EML3: variants seen among roughly 807,000 people sequenced by gnomAD.
EML3 encodes the protein echinoderm microtubule-associated protein-like 3.
Under a neutral mutation model 106.7 loss-of-function variants are expected in EML3, and 53 were observed. The ratio of observed to expected loss-of-function variants is 0.50; its 90% confidence interval spans 0.40 to 0.62. The LOEUF (loss-of-function observed/expected upper bound fraction) is 0.62, where lower values mean the gene tolerates loss of function less well. EML3 is among the 20% of genes least tolerant of loss of function. EML3 has a pLI of 0.00. For missense variants in EML3, 994 were observed against 1,209.1 expected (o/e 0.82, Z 2.64); for synonymous variants, 499 against 489.6 (o/e 1.02, Z -0.25).
Position 62,605,737 on chromosome 11 carries a change from G to A in EML3, c.1819C>T (p.Pro607Ser), listed in dbSNP as rs1417999372. ...CAGGTGAGGAAGCGGTTCTGGGAGG[G>A]GTGTGTGCAGAGCCCCCAGAGCTCA... ...TDELWGLCTH[P>S]SQNRFLTCGH... The change falls in exon 15 of 22, where the codon CCC becomes TCC. Residue 607 changes from proline (P) to serine (S), a missense_variant. Pro to Ser is a moderately conservative substitution (Grantham distance 74, BLOSUM62 -1). This residue lies in a region of EML3 where 713 missense variants were observed against 920.5 expected (regional missense o/e 0.77). Coordinates refer to ENST00000394773, the MANE Select transcript of EML3 (RefSeq NM_153265.3). This position sits in a 1 kb window ranked among gnomAD's most constrained non-coding sequence, Gnocchi z 5.2. 3.1e-6 allele frequency: 5 copies of A among 1,599,596 alleles called. No individual in the cohort carries two copies. The highest frequency in any genetic ancestry group is 3.4e-5 in the Admixed American group (2 of 58,786).
At position 62,607,988 on chromosome 11, in the gene EML3, A is replaced by G. The variant is rs530493219; in HGVS notation, c.1207-167T>C. On this transcript the variant is annotated intron_variant, in intron 10 of 21. Transcript: ENST00000394773. ...CTAAGAGCACTATTTCCTGTCAATC[A>G]TAATTAATCACCCTAATACCTAACA... 4 of 840,286 alleles carry G rather than the reference A, an allele frequency of 4.8e-6. No individual in the cohort carries two copies. The African/African-American group carries it at 6.9e-5, about 14-fold the overall frequency. 52.1% of individuals were successfully genotyped at this position (840,286 alleles called of 1,614,324 possible).
chr11:62,612,237 A>G lies in EML3; in HGVS notation c.22+199T>C, dbSNP rs955917607. 7.5e-6 allele frequency: 4 copies of G among 536,842 alleles called. No homozygotes were observed. In the Admixed American group the frequency reaches 1.2e-4, roughly 16 times the overall value. The allele number at this position is 536,842 out of a possible 1,614,324, so 33.3% of individuals were successfully genotyped here. Reference sequence around the variant, plus strand: ...GGCCCGGAGTTACGTGGGGCGTAGAATGACGCTGGGGAAGCCCGAAGTGAC... The same window carrying G: ...GGCCCGGAGTTACGTGGGGCGTAGAGTGACGCTGGGGAAGCCCGAAGTGAC... On this transcript the variant is annotated intron_variant, in intron 1 of 21. Coordinates refer to ENST00000394773, the MANE Select transcript of EML3 (RefSeq NM_153265.3).
intron 16 of EML3, 62 bp from the exon 17 acceptor site, chr11:62,604,263 CA>C (rs1942401520): frequency 8.0e-6 from 12 of 1,503,724 alleles, no homozygotes; most frequent in Non-Finnish European, 1.1e-5. Flanking sequence ...AGGAGACCCC[CA>C]GGGAGGCCAC....
At position 62,602,616 on chromosome 11, in the gene EML3, G is replaced by A; in HGVS notation, c.2550C>T (p.Asp850=). 6 of 1,576,530 alleles carry A rather than the reference G, an allele frequency of 3.8e-6. No individual in the cohort carries two copies. The highest frequency in any genetic ancestry group is 5.2e-6 in the Non-Finnish European group (6 of 1,164,660). The change falls in exon 22 of 22, where the codon GAC becomes GAT. Residue 850 remains aspartate, a synonymous_variant. Coordinates refer to ENST00000394773, the MANE Select transcript of EML3 (RefSeq NM_153265.3). ...CGCCCAGCGAGACGAGGTGCGAGTC[G>A]TCGTGCGTGAATCGGACGCTGGTCA... is the stretch of plus-strand genomic sequence containing the variant. The part of the protein sequence containing the change: ...SHVTSVRFTH[D]DSHLVSLGGK...
At position 62,604,031 on chromosome 11, in the gene EML3, G is replaced by T; in HGVS notation, c.2082C>A (p.Tyr694Ter). 1 of 1,614,126 alleles carries T rather than the reference G, an allele frequency of 6.2e-7. No individual in the cohort carries two copies. The highest frequency in any genetic ancestry group is 8.5e-7 in the Non-Finnish European group (1 of 1,180,022). The change falls in exon 18 of 22, where the codon TAC becomes TAA. Residue 694 changes from tyrosine (Y) to a stop codon, truncating the protein, a stop_gained. Transcript: ENST00000394773. LOFTEE classifies it high-confidence loss of function. ...CGTTGTCATGGGAACCAATGGCCAG[G>T]TACAACCCATCTGCAAATACAGTCA... ...SVVRYSPDGL[Y>*]LAIGSHDNVI...
chr11:62,608,403 T>C (rs1424659296), intron 9 of EML3, 107 bp from the exon 10 acceptor site: 3 of 1,348,818 alleles, frequency 2.2e-6, no homozygotes, highest in Non-Finnish European at 3.2e-6. Context: ...GCAGAAAAAG[T>C]TGACACACAT....
chr11:62,603,853 C>A (rs1384825003), intron 18 of EML3, 37 bp from the exon 19 acceptor site: 1 of 1,612,546 alleles, frequency 6.2e-7, no homozygotes, highest in East Asian at 2.2e-5. Context: ...AGTATCCCAT[C>A]CATTTCCCAT....
chr11:62,604,077 G>A, intron 17 of EML3, 36 bp from the exon 18 acceptor site: 5 of 1,614,020 alleles, frequency 3.1e-6, no homozygotes, highest in Non-Finnish European at 4.2e-6. Context: ...GAAGGGCCAG[G>A]GACGCATGTG....
rs759156170 is a variant in EML3 at position 62,608,251 on chromosome 11, T to G, written c.1156A>C (p.Met386Leu). The G allele has an allele frequency of 2.2e-5, 35 of 1,613,820 alleles. No individual in the cohort carries two copies. The highest frequency in any genetic ancestry group is 2.9e-5 in the Non-Finnish European group (34 of 1,180,000). Residue 386 changes from methionine (M) to leucine (L), a missense_variant, in exon 10 of 22, where the codon ATG (methionine) becomes CTG (leucine). Coordinates refer to ENST00000394773, the MANE Select transcript of EML3 (RefSeq NM_153265.3). ...CGGCTGCAGTCCCACACCGACAGCA[T>G]GTGCTCATTGGAATCATCCACCACA... ...LCVVDDSNEH[M>L]LSVWDCSRGM...
At chr11:62,607,630 G>T (rs776773724) in intron 11 of EML3, 36 bp downstream of exon 11, 1 of 1,594,328 alleles carries the variant, frequency 6.3e-7, no homozygotes, top group Non-Finnish European at 8.6e-7. Flanking sequence ...CTTCCACTCT[G>T]CCCTCCCCAT....
At position 62,603,712 on chromosome 11, in the gene EML3, G is replaced by C. The variant is rs1390186927; in HGVS notation, c.2257+17C>G. 6 of 1,609,992 alleles carry C rather than the reference G, an allele frequency of 3.7e-6. No homozygotes were observed. In the Admixed American group the frequency reaches 1.0e-4, roughly 27 times the overall value. Reference sequence around the variant, plus strand: ...TCCAATTACCCTCTCCCCATGTCCTGCTCCACTGCCACTCACAGTAAAGAA... The same window carrying C: ...TCCAATTACCCTCTCCCCATGTCCTCCTCCACTGCCACTCACAGTAAAGAA... On this transcript the variant is annotated intron_variant, in intron 19 of 21. Coordinates refer to ENST00000394773, the MANE Select transcript of EML3 (RefSeq NM_153265.3).
chr11:62,603,923 C>A, intron 18 of EML3, 21 bp downstream of exon 18: 1 of 1,613,864 alleles, frequency 6.2e-7, no homozygotes, highest in Non-Finnish European at 8.5e-7. Flanking sequence ...CATGCCCCAC[C>A]ACACACCCCA....
At position 62,609,483 on chromosome 11, in the gene EML3, G is replaced by C. The variant is rs1418490078; in HGVS notation, c.635-6C>G. ...CATCTTCACTGAGATGCCTTCTACA[G>C]AGAAAAGGGGTGGTGTCAACTACCC... On this transcript the variant is annotated splice_polypyrimidine_tract_variant and splice_region_variant and intron_variant, in intron 5 of 21. Transcript: ENST00000394773. 6.4e-7 allele frequency: 1 copy of C among 1,559,830 alleles called. No homozygotes were observed. The highest frequency in any genetic ancestry group is 2.3e-5 in the East Asian group (1 of 44,290).
rs1481201378 is a variant in EML3, at chr11:62,604,947, G to A, written c.1982+166C>T. ...AGGGGGAGAAACAGTTACCACAGAA[G>A]AGGAGGGGAGCCCGGGTGGCAGGGG... On this transcript the variant is annotated intron_variant, in intron 16 of 21. Transcript: ENST00000394773. 7.7e-6 allele frequency: 4 copies of A among 520,836 alleles called. No homozygotes were observed. In the African/African-American group the frequency reaches 8.0e-5, roughly 10 times the overall value. 32.3% of individuals were successfully genotyped at this position (520,836 alleles called of 1,614,324 possible).
At chr11:62,603,902 G>T in intron 18 of EML3, 42 bp downstream of exon 18, 1 of 1,612,092 alleles carries the variant, frequency 6.2e-7, no homozygotes, top group South Asian at 1.1e-5. Context: ...CCTGAGTTTC[G>T]CAGCTGTTAT....
In EML3 at chr11:62,605,606, G is replaced by A. The variant is rs368604333; in HGVS notation, c.1914+36C>T. The A allele has an allele frequency of 6.0e-6, 9 of 1,511,288 alleles. No individual in the cohort carries two copies. In the African/African-American group the frequency reaches 1.1e-4, roughly 19 times the overall value. 93.6% of individuals were successfully genotyped at this position (1,511,288 alleles called of 1,614,324 possible). On this transcript the variant is annotated intron_variant, in intron 15 of 21. Transcript: ENST00000394773. This position sits in a 1 kb window ranked among gnomAD's most constrained non-coding sequence, Gnocchi z 5.2. ...GTGGTGGCCACAGGTGTCCTGGTGG[G>A]TGTGGCATGGGGGATCCAGGGGCAC...
chr11:62,603,612 C>T, intron 19 of EML3, 117 bp downstream of exon 19: 1 of 849,664 alleles, frequency 1.2e-6, no homozygotes, highest in Non-Finnish European at 1.9e-6. Flanking sequence ...ACATATAATT[C>T]CAACTCCACT....
chr11:62,607,845 G>C (rs1346525995), intron 10 of EML3, 24 bp from the exon 11 acceptor site: 1 of 1,604,088 alleles, frequency 6.2e-7, no homozygotes, highest in Non-Finnish European at 8.5e-7. Flanking sequence ...ACTAGATTCA[G>C]CCACCCCAAG....
chr11:62,612,553 C>G lies in EML3; in HGVS notation c.-96G>C. ...GAGGGGAAGGGGAAGCACCCCGGGG[C>G]GCGCGCGAAGGGCGCCGTACCACCA... is the stretch of plus-strand genomic sequence containing the variant. On this transcript the variant is annotated 5_prime_UTR_variant, in exon 1 of 22. Transcript: ENST00000394773. 2.4e-6 allele frequency: 3 copies of G among 1,239,070 alleles called. No individual in the cohort carries two copies. Among genetic ancestry groups the G allele is most frequent in the Non-Finnish European group, 2.1e-6 (2 of 968,672 alleles). The allele number at this position is 1,239,070 out of a possible 1,614,324, so 76.8% of individuals were successfully genotyped here. A position where few individuals can be genotyped will look rare whatever the true frequency, so the allele number is the denominator to read the frequency against.
Sources: gnomAD v4.1 joint callset for allele counts on GRCh38, gnomAD v4.1.1 for gene constraint, gnomAD v4.1.1 regional missense constraint, Gnocchi (gnomAD v3.1) non-coding constraint, MANE v1.5 for transcripts, NCBI Gene and HGNC (gene_info 2026-07-23, HGNC 2026-07-21) for gene names.